The following TRMT11 variants were observed in gnomAD, a reference collection of about 807,000 sequenced individuals.
The protein encoded by TRMT11 is tRNA methyltransferase 11.
TRMT11 carries 53 observed loss-of-function variants against 62.8 expected under a neutral mutation model. The observed-to-expected ratio is 0.84, with a 90% CI of 0.68 to 1.06. The LOEUF is 1.06. Ranked by LOEUF, TRMT11 falls within the 50% of genes least tolerant of loss-of-function variation. TRMT11 has a pLI of 0.00. For synonymous variants in TRMT11, 188 were observed against 190.3 expected, an observed-to-expected ratio of 0.99 and a Z score of 0.10; for missense variants, 556 against 553.4, an observed-to-expected ratio of 1.00 and a Z score of -0.05.
intron 12 of TRMT11, among the ~76,000 whole-genome samples, chr6:126,026,799 T>G (rs890984114): frequency 3.4e-5 from 5 of 147,582 alleles, no homozygotes; most frequent in African/African-American, 1.1e-4. Context: ...TGTGGTTTTT[T>G]GGGTTTTTTT....
intron 17 of TRMT11, among the ~76,000 whole-genome samples, chr6:126,083,540 A>G (rs955469014): frequency 1.3e-5 from 2 of 152,212 alleles, no homozygotes; most frequent in Non-Finnish European, 2.9e-5. Flanking sequence ...GTTATGGGAT[A>G]CATATAGATA....
the TRMT11 span, among the ~76,000 whole-genome samples, chr6:126,223,471 A>T: frequency 6.6e-6 from 1 of 152,008 alleles, no homozygotes; most frequent in African/African-American, 2.4e-5. Context: ...AACAAAAAGA[A>T]GGCTGAATAT....
chr6:126,247,458 T>TATC, the TRMT11 span, among the ~76,000 whole-genome samples: 2 of 143,618 alleles, frequency 1.4e-5, no homozygotes, highest in African/African-American at 2.6e-5. Flanking sequence ...TCTATCTATC[T>TATC]ATCTATCTAT....
chr6:126,134,470 A>G (rs1356268094), intron 21 of TRMT11, among the ~76,000 whole-genome samples: 2 of 151,870 alleles, frequency 1.3e-5, no homozygotes, highest in Non-Finnish European at 2.9e-5. Flanking sequence ...TACATATGCA[A>G]CCAACACTGA....
the TRMT11 span, among the ~76,000 whole-genome samples, chr6:126,244,323 T>C: frequency 6.6e-6 from 1 of 152,200 alleles, no homozygotes; most frequent in Non-Finnish European, 1.5e-5. Context: ...TGTGTTATTT[T>C]TAAAACTAAA....
chr6:126,060,167 C>T (rs1430723456), intron 17 of TRMT11, among the ~76,000 whole-genome samples: 4 of 152,178 alleles, frequency 2.6e-5, no homozygotes, highest in Non-Finnish European at 5.9e-5. Context: ...GACTTTTCCT[C>T]TTCATGAGCA....
intron 21 of TRMT11, among the ~76,000 whole-genome samples, chr6:126,152,041 C>G: frequency 7.5e-6 from 1 of 133,122 alleles, no homozygotes; most frequent in South Asian, 2.8e-4. Flanking sequence ...CTGTTTCTCT[C>G]TCTCTCTTTT....
chr6:126,091,742 C>G (rs1777279733), intron 17 of TRMT11, among the ~76,000 whole-genome samples: 1 of 152,150 alleles, frequency 6.6e-6, no homozygotes, highest in African/African-American at 2.4e-5. Flanking sequence ...CTAAGGAGCA[C>G]TAGTTACATT....
chr6:126,006,357 CAGTT>C (rs1273751565), intron 7 of TRMT11, among the ~76,000 whole-genome samples: 1 of 151,852 alleles, frequency 6.6e-6, no homozygotes, highest in Non-Finnish European at 1.5e-5. Flanking sequence ...CAAAGCTTTC[CAGTT>C]AGTTCTTTAA....
At chr6:126,044,090 T>C (rs1421560676), downstream of TRMT11, among the ~76,000 whole-genome samples, 1 of 151,828 alleles carries the variant, frequency 6.6e-6, no homozygotes, top group Non-Finnish European at 1.5e-5. Context: ...TGTCTTTTGT[T>C]GCCATTGCTT....
At chr6:126,232,329 G>A in the TRMT11 span, among the ~76,000 whole-genome samples, 2 of 152,034 alleles carry the variant, frequency 1.3e-5, no homozygotes, top group Admixed American at 6.6e-5. Flanking sequence ...TTACTGAAAT[G>A]AGCACTGAAT....
chr6:126,204,397 A>C (rs1190222230), downstream of TRMT11, among the ~76,000 whole-genome samples: 1 of 152,210 alleles, frequency 6.6e-6, no homozygotes, highest in Non-Finnish European at 1.5e-5. Flanking sequence ...CTCTGCCGTT[A>C]GGCTATGACT....
At chr6:125,995,423 C>A (rs983216925) in intron 2 of TRMT11, among the ~76,000 whole-genome samples, 1 of 152,012 alleles carries the variant, frequency 6.6e-6, no homozygotes, top group African/African-American at 2.4e-5. Context: ...GGGAAAACAC[C>A]CCTGATGCAC....
rs71706557 is a variant in TRMT11, at chr6:126,146,518, A to ATT, written c.*1824-28292_*1824-28291dup. Among the ~76,000 whole-genome samples, 173 of 143,684 alleles carry ATT rather than the reference A, an allele frequency of 1.2e-3. 2 individuals are homozygous for ATT. Among genetic ancestry groups the ATT allele is most frequent in the African/African-American group, 3.9e-3 (154 of 39,382 alleles). The allele number at this position is 143,684 out of a possible 152,430, so 94.3% of individuals were successfully genotyped here. On this transcript the variant is annotated intron_variant and NMD_transcript_variant, in intron 21 of 22. Coordinates refer to the TRMT11 transcript ENST00000648977. ...AGGATTGTTGTGATGACTAAATGAA[A>ATT]TTTTTTTTTTTTTTTTGAGACAGAG... is the stretch of plus-strand genomic sequence containing the variant.
intron 17 of TRMT11, among the ~76,000 whole-genome samples, chr6:126,111,134 T>C (rs1393914556): frequency 2.6e-5 from 4 of 152,070 alleles, no homozygotes; most frequent in East Asian, 1.9e-4. Flanking sequence ...AATCCTCTTC[T>C]GCCATGGCTC....
intron 17 of TRMT11, among the ~76,000 whole-genome samples, chr6:126,071,893 C>T (rs1418155753): frequency 6.6e-6 from 1 of 152,080 alleles, no homozygotes; most frequent in East Asian, 1.9e-4. Flanking sequence ...GATAGCTATG[C>T]CCCAGCTCAG....
chr6:126,222,861 C>T, the TRMT11 span, among the ~76,000 whole-genome samples: 1 of 151,510 alleles, frequency 6.6e-6, no homozygotes, highest in African/African-American at 2.4e-5. Context: ...TTGATCCTGA[C>T]ATCTTGTTGT....
intron 21 of TRMT11, among the ~76,000 whole-genome samples, chr6:126,151,392 T>C (rs903931795): frequency 2.0e-5 from 3 of 152,222 alleles, no homozygotes; most frequent in African/African-American, 7.2e-5. Flanking sequence ...CAATATTTTT[T>C]AAGAGTTTCC....
chr6:126,171,900 A>G (rs1778333942), intron 21 of TRMT11, among the ~76,000 whole-genome samples: 1 of 151,988 alleles, frequency 6.6e-6, no homozygotes, highest in Admixed American at 6.5e-5. Context: ...TTGTATTTTT[A>G]GTAGAGAAAG....
Sources: allele counts gnomAD v4.1 joint callset (sites outside exome capture counted in the v4.1 genomes callset), GRCh38; gene constraint gnomAD v4.1.1; transcripts MANE v1.5; gene names NCBI Gene and HGNC (gene_info 2026-07-23, HGNC 2026-07-21).